The following STXBP6 variants were observed in gnomAD, a reference collection of about 807,000 sequenced individuals.
STXBP6 encodes syntaxin-binding protein 6.
In STXBP6, 21 loss-of-function variants were observed where a neutral mutation model predicts 26.9. The ratio of observed to expected loss-of-function variants is 0.78; its 90% confidence interval spans 0.55 to 1.12. The LOEUF is 1.12. STXBP6 is among the 50% of genes most tolerant of loss of function. The pLI is 0.00. For missense variants in STXBP6, 232 were observed against 257.9 expected, an observed-to-expected ratio of 0.90 and a Z score of 0.69; for synonymous variants, 97 against 92.6, an observed-to-expected ratio of 1.05 and a Z score of -0.27.
intron 4 of STXBP6, among the ~76,000 whole-genome samples, chr14:24,836,629 A>AAG (rs2068625657): frequency 6.6e-6 from 1 of 150,378 alleles, no homozygotes; most frequent in African/African-American, 2.4e-5. Flanking sequence ...AAAAAAAAAA[A>AAG]GAAGTGAAAA....
intron 1 of STXBP6, among the ~76,000 whole-genome samples, chr14:25,040,523 C>T (rs1203175800): frequency 6.6e-6 from 1 of 151,990 alleles, no homozygotes; most frequent in Non-Finnish European, 1.5e-5. Context: ...TTAAAGGAAG[C>T]GACATTTGTA....
rs996067903 is a variant in STXBP6 at position 24,811,263 on chromosome 14, A to G, written c.*1446T>C. On this transcript the variant is annotated 3_prime_UTR_variant, in exon 6 of 6. Transcript: ENST00000323944. The stretch of plus-strand genomic sequence containing the variant: ...CTATTTAAATCAGTATTAACAATCC[A>G]AAAGTCATCTTATGCTCCTATGTAA... 1 of 152,156 alleles carries G rather than the reference A, an allele frequency of 6.6e-6. No homozygotes were observed. 9.4% of individuals were successfully genotyped at this position (152,156 alleles called of 1,614,324 possible).
At chr14:24,894,629 G>A (rs142863345) in intron 2 of STXBP6, among the ~76,000 whole-genome samples, 1 of 152,270 alleles carries the variant, frequency 6.6e-6, no homozygotes, top group Non-Finnish European at 1.5e-5. Context: ...CTGAGAGTTT[G>A]CTTTGCTCAC....
chr14:24,895,850 G>C (rs1207343853), intron 2 of STXBP6, among the ~76,000 whole-genome samples: 2 of 152,124 alleles, frequency 1.3e-5, no homozygotes, highest in Non-Finnish European at 2.9e-5. Flanking sequence ...CCAGTAACAG[G>C]CAAAAATTAT....
chr14:25,039,708 C>CT (rs375717992), intron 1 of STXBP6, among the ~76,000 whole-genome samples: 2,752 of 140,046 alleles, frequency 0.02, 92 homozygotes, highest in African/African-American at 0.062. Flanking sequence ...AATCTGCATC[C>CT]TTTTTTTTTT....
At chr14:24,956,932 G>A (rs4983041) in intron 2 of STXBP6, among the ~76,000 whole-genome samples, 75,531 of 151,896 alleles carry the variant, frequency 0.5, 19,324 homozygotes, top group African/African-American at 0.62. Flanking sequence ...AGCATTCGGC[G>A]TATTCTTGAG....
chr14:24,930,497 C>A (rs1430035339), intron 2 of STXBP6, among the ~76,000 whole-genome samples: 1 of 152,154 alleles, frequency 6.6e-6, no homozygotes, highest in Non-Finnish European at 1.5e-5. Context: ...GTACTTGATT[C>A]TCTGTGAACT....
intron 2 of STXBP6, among the ~76,000 whole-genome samples, chr14:24,860,849 G>C (rs1594981750): frequency 6.6e-6 from 1 of 150,728 alleles, no homozygotes; most frequent in African/African-American, 2.4e-5. Context: ...TTGATGTTTA[G>C]GGTGGCTAAA....
chr14:24,993,921 T>G (rs1264917622), intron 1 of STXBP6, among the ~76,000 whole-genome samples: 1 of 152,136 alleles, frequency 6.6e-6, no homozygotes, highest in Non-Finnish European at 1.5e-5. Flanking sequence ...CCTATGAGTT[T>G]TCTTGGTTTA....
At chr14:24,976,573 T>C (rs981136605) in intron 1 of STXBP6, among the ~76,000 whole-genome samples, 1 of 152,218 alleles carries the variant, frequency 6.6e-6, no homozygotes, top group African/African-American at 2.4e-5. Flanking sequence ...TTTCAAATGC[T>C]GATCACTAAC....
At chr14:25,021,366 T>G (rs2075260176) in intron 1 of STXBP6, among the ~76,000 whole-genome samples, 4 of 152,174 alleles carry the variant, frequency 2.6e-5, no homozygotes, top group Admixed American at 2.0e-4. Context: ...CTTCCCATCA[T>G]CACTTCAGCA....
At chr14:24,846,402 G>A (rs573421369) in intron 4 of STXBP6, among the ~76,000 whole-genome samples, 35 of 152,088 alleles carry the variant, frequency 2.3e-4, no homozygotes, top group Middle Eastern at 3.4e-3. Context: ...TGACTAACAC[G>A]TTATGCCTTT....
intron 4 of STXBP6, among the ~76,000 whole-genome samples, chr14:24,838,039 T>C (rs1475002643): frequency 6.6e-6 from 1 of 152,246 alleles, no homozygotes; most frequent in Non-Finnish European, 1.5e-5. Flanking sequence ...CTAATTTTAA[T>C]TTTTATTTTT....
chr14:24,947,473 C>T (rs75156408), intron 2 of STXBP6, among the ~76,000 whole-genome samples: 54 of 152,290 alleles, frequency 3.5e-4, no homozygotes, highest in East Asian at 1.7e-3. Context: ...AAGAATGACG[C>T]GCAAAGACCA....
chr14:24,907,796 T>C (rs150893544), intron 2 of STXBP6, among the ~76,000 whole-genome samples: 3 of 152,182 alleles, frequency 2.0e-5, no homozygotes, highest in Non-Finnish European at 4.4e-5. Flanking sequence ...TTTTCCTTTT[T>C]TTTTTAACCA....
intron 2 of STXBP6, among the ~76,000 whole-genome samples, chr14:24,974,219 A>T (rs1263292334): frequency 6.6e-6 from 1 of 152,204 alleles, no homozygotes. Flanking sequence ...CACATTCCAT[A>T]AGGTGCCAAT....
chr14:24,859,836 TC>T (rs2069468849), intron 2 of STXBP6, among the ~76,000 whole-genome samples: 5 of 152,166 alleles, frequency 3.3e-5, no homozygotes, highest in Admixed American at 3.3e-4. Context: ...TGGGTATGAC[TC>T]CCAGGTAATA....
At chr14:24,830,617 G>A (rs1382199767) in intron 4 of STXBP6, among the ~76,000 whole-genome samples, 1 of 152,204 alleles carries the variant, frequency 6.6e-6, no homozygotes, top group Non-Finnish European at 1.5e-5. Flanking sequence ...ATAAGGTTAT[G>A]TATGCTTAAG....
chr14:24,969,782 A>G (rs2073846608), intron 2 of STXBP6, among the ~76,000 whole-genome samples: 1 of 152,216 alleles, frequency 6.6e-6, no homozygotes, highest in African/African-American at 2.4e-5. Context: ...ACACAAGCAC[A>G]GGTTTAGATG....
Sources: allele counts gnomAD v4.1 joint callset (sites outside exome capture counted in the v4.1 genomes callset), GRCh38; gene constraint gnomAD v4.1.1; transcripts MANE v1.5; gene names NCBI Gene and HGNC (gene_info 2026-07-23, HGNC 2026-07-21).